Variants in FAF1 observed in about 807,000 individuals in gnomAD.
The protein encoded by FAF1 is FAS-associated factor 1.
FAF1 carries 25 observed loss-of-function variants against 92.5 expected under a neutral mutation model. The observed-to-expected ratio is 0.27, with a 90% CI of 0.20 to 0.38. The LOEUF is 0.38. FAF1 is among the 10% of genes least tolerant of loss of function. FAF1 has a pLI of 1.00. For synonymous variants in FAF1, 234 were observed against 273.2 expected (o/e 0.86, Z 1.42); for missense variants, 636 against 793.3 (o/e 0.80, Z 2.38).
chr1:50,900,949 T>C (rs1178591870), intron 1 of FAF1, among the ~76,000 whole-genome samples: 1 of 152,048 alleles, frequency 6.6e-6, no homozygotes, highest in African/African-American at 2.4e-5. Flanking sequence ...TGATGTGATT[T>C]CTAATAGAGG....
chr1:50,458,025 C>T (rs1646378057), intron 18 of FAF1, among the ~76,000 whole-genome samples: 2 of 151,708 alleles, frequency 1.3e-5, no homozygotes, highest in African/African-American at 4.8e-5. Flanking sequence ...ACCAGCTTGA[C>T]CAACATGGAG....
chr1:50,735,168 T>C (rs1016342133), intron 6 of FAF1, among the ~76,000 whole-genome samples: 8 of 152,214 alleles, frequency 5.3e-5, no homozygotes, highest in South Asian at 2.1e-4. Context: ...CAATAAGTCA[T>C]TGATGAACTG....
At chr1:50,730,999 C>T (rs1277490490) in intron 6 of FAF1, among the ~76,000 whole-genome samples, 2 of 152,206 alleles carry the variant, frequency 1.3e-5, no homozygotes, top group African/African-American at 2.4e-5. Flanking sequence ...TTTGCACCTT[C>T]CATCTGAAGA....
At chr1:50,867,129 G>C (rs532873273) in intron 1 of FAF1, among the ~76,000 whole-genome samples, 2 of 152,270 alleles carry the variant, frequency 1.3e-5, no homozygotes, top group South Asian at 4.1e-4. Flanking sequence ...TAACTGGTTA[G>C]CCACATGCAG....
intron 4 of FAF1, among the ~76,000 whole-genome samples, chr1:50,750,464 G>C (rs1659810584): frequency 6.6e-6 from 1 of 152,008 alleles, no homozygotes; most frequent in South Asian, 2.1e-4. Flanking sequence ...ATACAATCAA[G>C]ATAAGAACAT....
intron 4 of FAF1, among the ~76,000 whole-genome samples, chr1:50,745,374 T>G (rs191475201): frequency 1.7e-3 from 260 of 152,200 alleles, no homozygotes; most frequent in Admixed American, 0.01. Flanking sequence ...TAAACTGTAT[T>G]AAAGAGAAGA....
chr1:50,838,521 C>A (rs896234062), intron 2 of FAF1, among the ~76,000 whole-genome samples: 1 of 146,946 alleles, frequency 6.8e-6, no homozygotes, highest in Non-Finnish European at 1.5e-5. Flanking sequence ...TATAATTTTA[C>A]ATTAACATAA....
At chr1:50,539,396 A>C (rs1197399229) in intron 14 of FAF1, among the ~76,000 whole-genome samples, 196 bp downstream of exon 14, 1 of 152,236 alleles carries the variant, frequency 6.6e-6, no homozygotes, top group African/African-American at 2.4e-5. Context: ...CAATTTTATT[A>C]AGATGTTTCT....
intron 8 of FAF1, among the ~76,000 whole-genome samples, chr1:50,630,324 T>C (rs1465979828): frequency 6.6e-6 from 1 of 152,208 alleles, no homozygotes; most frequent in African/African-American, 2.4e-5. Flanking sequence ...AAACTTGTGA[T>C]GTCATACTGT....
At chr1:50,881,388 T>C (rs1187454828) in intron 1 of FAF1, among the ~76,000 whole-genome samples, 4 of 152,204 alleles carry the variant, frequency 2.6e-5, no homozygotes, top group Non-Finnish European at 5.9e-5. Flanking sequence ...CTTTCAAAGT[T>C]GTCCTCCTGG....
chr1:50,752,163 G>C (rs543289541), intron 4 of FAF1, among the ~76,000 whole-genome samples: 1 of 152,138 alleles, frequency 6.6e-6, no homozygotes, highest in Non-Finnish European at 1.5e-5. Context: ...AGAGACGGGG[G>C]TCTCGTCCTG....
intron 15 of FAF1, among the ~76,000 whole-genome samples, chr1:50,501,601 C>A (rs1646985408): frequency 1.3e-5 from 2 of 150,292 alleles, no homozygotes; most frequent in Non-Finnish European, 2.9e-5. Flanking sequence ...GTGGAGACTG[C>A]AGTGAGCCGA....
At chr1:50,789,509 A>G (rs1476213674) in intron 3 of FAF1, among the ~76,000 whole-genome samples, 3 of 152,022 alleles carry the variant, frequency 2.0e-5, no homozygotes, top group African/African-American at 7.3e-5. Flanking sequence ...CCACATACCT[A>G]ATCAGTCCTT....
At chr1:50,618,602 T>A (rs1482285602) in intron 8 of FAF1, among the ~76,000 whole-genome samples, 2 of 151,982 alleles carry the variant, frequency 1.3e-5, no homozygotes, top group Non-Finnish European at 2.9e-5. Flanking sequence ...GTTTTATGAA[T>A]CTGGGTGCTC....
chr1:50,912,667 T>A (rs749166159), intron 1 of FAF1, among the ~76,000 whole-genome samples: 2 of 152,116 alleles, frequency 1.3e-5, no homozygotes, highest in African/African-American at 4.8e-5. Flanking sequence ...CCAAAAGAAG[T>A]TGCCACATGA....
chr1:50,763,176 T>C (rs1233512230), intron 4 of FAF1, among the ~76,000 whole-genome samples: 1 of 152,086 alleles, frequency 6.6e-6, no homozygotes. Flanking sequence ...GAGAATCACT[T>C]GAACTCAGGA....
chr1:50,760,235 A>G (rs1660268645), intron 4 of FAF1, among the ~76,000 whole-genome samples: 1 of 152,138 alleles, frequency 6.6e-6, no homozygotes, highest in Admixed American at 6.6e-5. Flanking sequence ...CACATTAATA[A>G]TGGGAGACTT....
intron 4 of FAF1, among the ~76,000 whole-genome samples, chr1:50,786,240 T>A (rs1425041138): frequency 6.6e-6 from 1 of 151,984 alleles, no homozygotes; most frequent in Non-Finnish European, 1.5e-5. Context: ...CTAAAAAAAA[T>A]GTGATATATA....
In FAF1 at chr1:50,586,091, G is replaced by A. The variant is rs12070330; in HGVS notation, c.841-1280C>T. On this transcript the variant is annotated intron_variant, in intron 9 of 18. Coordinates refer to ENST00000396153, the MANE Select transcript of FAF1 (RefSeq NM_007051.3). ...TCATAAAAATTTAGCTAGAGGGAAT[G>A]TCAGAGGTTAGACAGTTGTTGAATC... Among the ~76,000 whole-genome samples, 1,513 of 151,952 alleles carry A rather than the reference G, an allele frequency of 1.0e-2. 23 individuals are homozygous for A. The highest frequency in any genetic ancestry group is 0.035 in the African/African-American group (1,433 of 41,444).
Sources: allele counts gnomAD v4.1 joint callset (sites outside exome capture counted in the v4.1 genomes callset), GRCh38; gene constraint gnomAD v4.1.1; transcripts MANE v1.5; gene names NCBI Gene and HGNC (gene_info 2026-07-23, HGNC 2026-07-21).